The following COL3A1 variants were observed in gnomAD, a reference collection of about 807,000 sequenced individuals.
COL3A1 encodes the protein collagen type III alpha 1 chain, also known as collagen alpha-1(III) chain.
In COL3A1, 46 loss-of-function variants were observed where a neutral mutation model predicts 200.9. That is an observed-to-expected ratio of 0.23 (90% CI 0.18 to 0.29). The LOEUF (loss-of-function observed/expected upper bound fraction) is 0.29. COL3A1 is among the 10% of genes least tolerant of loss of function. COL3A1 has a pLI of 1.00. For missense variants in COL3A1, 1,367 were observed against 1,917.6 expected (o/e 0.71, Z 5.36); for synonymous variants, 650 against 628.0 (o/e 1.03, Z -0.52).
At chr2:189,004,197 A>G (rs1688534964) in intron 39 of COL3A1, 54 bp downstream of exon 39, 2 of 1,608,750 alleles carry the variant, frequency 1.2e-6, no homozygotes, top group African/African-American at 2.7e-5. Flanking sequence ...TTTATCACAA[A>G]TCGATTAGAG....
chr2:188,986,928 A>G, intron 4 of COL3A1, 131 bp from the exon 5 acceptor site: 1 of 755,622 alleles, frequency 1.3e-6, no homozygotes, highest in South Asian at 1.5e-5. Context: ...ATTAGTGAAT[A>G]CATACCACAT....
chr2:189,005,805 T>C (rs1688572720), intron 41 of COL3A1, among the ~76,000 whole-genome samples: 1 of 152,034 alleles, frequency 6.6e-6, no homozygotes, highest in African/African-American at 2.4e-5. Flanking sequence ...ATTAATATTA[T>C]TTATAATTAA....
chr2:188,998,592 T>C lies in COL3A1; in HGVS notation c.1978-82T>C, dbSNP rs1259920643. The stretch of plus-strand genomic sequence containing the variant: ...TGTGTATTTTGCTTATATTTACATA[T>C]TTGCTTATATTTACATATTTGCTTA... On this transcript the variant is annotated intron_variant, in intron 28 of 50. Transcript: ENST00000304636. The C allele has an allele frequency of 3.6e-6, 5 of 1,376,842 alleles. No individual in the cohort carries two copies. The African/African-American group carries it at 7.2e-5, about 20-fold the overall frequency. The allele number at this position is 1,376,842 out of a possible 1,614,324, so 85.3% of individuals were successfully genotyped here.
chr2:189,003,872 T>A, intron 38 of COL3A1, 85 bp downstream of exon 38: 2 of 1,578,898 alleles, frequency 1.3e-6, no homozygotes, highest in Non-Finnish European at 1.7e-6. Flanking sequence ...TACACATTGC[T>A]ACTTATTTCT....
rs947040989 is a variant in COL3A1, at chr2:189,009,023, G to A, written c.3625G>A (p.Gly1209Arg). The A allele has an allele frequency of 1.2e-6, 2 of 1,614,062 alleles. No homozygotes were observed. Among genetic ancestry groups the A allele is most frequent in the Admixed American group, 1.7e-5 (1 of 59,998 alleles). Residue 1209 changes from glycine to arginine, a missense_variant, in exon 48 of 51, where the codon GGA becomes AGA. This residue lies in a region of COL3A1 where 846 missense variants were observed against 1,147.9 expected (regional missense o/e 0.74). Coordinates refer to ENST00000304636, the MANE Select transcript of COL3A1 (RefSeq NM_000090.4). ...GVGAAAIAGI[G>R]GEKAGGFAPY... ...TGGAGCCGCTGCCATTGCTGGGATT[G>A]GAGGTGAAAAAGCTGGCGGTTTTGC...
At position 188,991,059 on chromosome 2, in the gene COL3A1, T is replaced by C. The variant is rs201314784; in HGVS notation, c.852+2T>C. 3.1e-6 allele frequency: 5 copies of C among 1,612,416 alleles called. No individual in the cohort carries two copies. Among genetic ancestry groups the C allele is most frequent in the South Asian group, 1.1e-5 (1 of 90,882 alleles). On this transcript the variant is annotated splice_donor_variant, in intron 11 of 50. Transcript: ENST00000304636. LOFTEE classifies it high-confidence loss of function. ...GAAACAGGTGCTCCTGGATTAAAGG[T>C]AAATCACAACAAAAATCATATTTTC...
chr2:188,999,205 A>T (rs996807260), intron 29 of COL3A1, 80 bp from the exon 30 acceptor site: 69 of 1,311,072 alleles, frequency 5.3e-5, no homozygotes, highest in Non-Finnish European at 7.2e-5. Flanking sequence ...TAGTGGCCTG[A>T]TTCAAAATGA....
At chr2:188,989,594 T>C (rs1452114517) in intron 8 of COL3A1, 145 bp downstream of exon 8, 7 of 666,024 alleles carry the variant, frequency 1.1e-5, no homozygotes, top group Non-Finnish European at 1.8e-5. Flanking sequence ...TTAATACTAA[T>C]TTTTGAGTAG....
chr2:188,976,843 A>C (rs76955295), intron 1 of COL3A1, among the ~76,000 whole-genome samples: 5,445 of 152,334 alleles, frequency 0.036, 108 homozygotes, highest in South Asian at 0.062. Context: ...GCCAAGTTTT[A>C]AGTACAAAGA....
chr2:189,008,626 G>A, intron 47 of COL3A1: 5 of 493,368 alleles, frequency 1.0e-5, no homozygotes, highest in Non-Finnish European at 1.8e-5. Context: ...TATTGGAATT[G>A]TAGCTCACAG....
intron 36 of COL3A1, 97 bp from the exon 37 acceptor site, chr2:189,003,314 A>G (rs1405847766): frequency 1.9e-6 from 2 of 1,048,354 alleles, no homozygotes; most frequent in Non-Finnish European, 2.9e-6. Context: ...AGTTATTTTA[A>G]CCTCTTCATA....
intron 1 of COL3A1, among the ~76,000 whole-genome samples, chr2:188,980,429 GACAATTCTAAAAGATTAA>G (rs1687928867): frequency 5.5e-5 from 1 of 18,220 alleles, no homozygotes; most frequent in Non-Finnish European, 1.2e-4. Context: ...TAATCTTTTA[GACAATTCTAAAAGATTAA>G]TCTTTTAGAC....
At chr2:188,977,399 T>G (rs1041812785) in intron 1 of COL3A1, among the ~76,000 whole-genome samples, 2 of 152,132 alleles carry the variant, frequency 1.3e-5, no homozygotes, top group African/African-American at 4.8e-5. Context: ...AATCAGTTTC[T>G]TATTAGACGT....
intron 22 of COL3A1, among the ~76,000 whole-genome samples, 158 bp from the exon 23 acceptor site, chr2:188,995,967 T>C (rs1365943166): frequency 6.6e-6 from 1 of 152,070 alleles, no homozygotes; most frequent in Non-Finnish European, 1.5e-5. Context: ...GAAGAGAAGA[T>C]AGAACACTTG....
At position 188,987,107 on chromosome 2, in the gene COL3A1, G is replaced by C. The variant is rs1413992277; in HGVS notation, c.496G>C (p.Val166Leu). The change falls in exon 5 of 51, where the codon GTA becomes CTA. Residue 166 changes from valine (V) to leucine (L), a missense_variant. Coordinates refer to ENST00000304636, the MANE Select transcript of COL3A1 (RefSeq NM_000090.4). ...ATATGATGTCAAGTCTGGAGTAGCA[G>C]TAGGAGGACTCGCAGGCTATCCTGG... is the stretch of plus-strand genomic sequence containing the variant. Reference protein sequence around the residue: ...DSYDVKSGVAVGGLAGYPGPA... With the variant: ...DSYDVKSGVALGGLAGYPGPA... 2 of 1,613,084 alleles carry C rather than the reference G, an allele frequency of 1.2e-6. No homozygotes were observed. Among genetic ancestry groups the C allele is most frequent in the Non-Finnish European group, 1.7e-6 (2 of 1,179,274 alleles).
At position 188,992,318 on chromosome 2, in the gene COL3A1, T is replaced by C. The variant is rs894052155; in HGVS notation, c.996+90T>C. 2.9e-6 allele frequency: 3 copies of C among 1,026,668 alleles called. No homozygotes were observed. In the African/African-American group the frequency reaches 4.9e-5, roughly 17 times the overall value. 63.6% of individuals were successfully genotyped at this position (1,026,668 alleles called of 1,614,324 possible). On this transcript the variant is annotated intron_variant, in intron 14 of 50. Coordinates refer to ENST00000304636, the MANE Select transcript of COL3A1 (RefSeq NM_000090.4). ...AATATTTTATATATGTATATACTCT[T>C]AGGTATATATATATGCATATGTATA... is the stretch of plus-strand genomic sequence containing the variant.
chr2:188,988,579 C>T lies in COL3A1; in HGVS notation c.583-11C>T. 8 of 1,580,570 alleles carry T rather than the reference C, an allele frequency of 5.1e-6. No homozygotes were observed. Among genetic ancestry groups the T allele is most frequent in the Non-Finnish European group, 6.9e-6 (8 of 1,151,200 alleles). ...GTTACTTTAAAATTATTTACATATT[C>T]TACTCACTAGGGATCTCCAGGATAC... On this transcript the variant is annotated splice_polypyrimidine_tract_variant and intron_variant, in intron 6 of 50. Transcript: ENST00000304636.
chr2:188,990,156 C>G lies in COL3A1; in HGVS notation c.744+7C>G, dbSNP rs560326625. 6.2e-7 allele frequency: 1 copy of G among 1,613,184 alleles called. No homozygotes were observed. Among genetic ancestry groups the G allele is most frequent in the Middle Eastern group, 1.6e-4 (1 of 6,062 alleles). On this transcript the variant is annotated splice_region_variant and intron_variant, in intron 9 of 50. Coordinates refer to ENST00000304636, the MANE Select transcript of COL3A1 (RefSeq NM_000090.4). ...AGGATTGCCTGGACCTCCAGTGAGTCTTCAGCATCTAATAAATTAATTGGA... is the reference window on the plus strand; with the variant it reads ...AGGATTGCCTGGACCTCCAGTGAGTGTTCAGCATCTAATAAATTAATTGGA...
chr2:189,003,077 C>A lies in COL3A1; in HGVS notation c.2553+15C>A. ...CTGGACCTGCTGTAAGTTCCTTCCT[C>A]TTTCTCTGTCTATCTATCTATCATC... is the stretch of plus-strand genomic sequence containing the variant. On this transcript the variant is annotated intron_variant, in intron 36 of 50. Coordinates refer to ENST00000304636, the MANE Select transcript of COL3A1 (RefSeq NM_000090.4). 1 of 1,510,910 alleles carries A rather than the reference C, an allele frequency of 6.6e-7. No homozygotes were observed. Among genetic ancestry groups the A allele is most frequent in the Non-Finnish European group, 9.0e-7 (1 of 1,110,060 alleles). The allele number at this position is 1,510,910 out of a possible 1,614,324, so 93.6% of individuals were successfully genotyped here. A position where few individuals can be genotyped will look rare whatever the true frequency, so the allele number is the denominator to read the frequency against.
Sources: gnomAD v4.1 joint callset for allele counts (sites outside exome capture counted in the v4.1 genomes callset) on GRCh38, gnomAD v4.1.1 for gene constraint, gnomAD v4.1.1 regional missense constraint, MANE v1.5 for transcripts, NCBI Gene and HGNC (gene_info 2026-07-23, HGNC 2026-07-21) for gene names.